The following CNTN5 variants were observed in gnomAD, a reference collection of about 807,000 sequenced individuals.
CNTN5 encodes contactin-5.
In CNTN5, 77 loss-of-function variants were observed where a neutral mutation model predicts 129.1. The observed-to-expected ratio is 0.60, with a 90% CI of 0.50 to 0.72. The LOEUF (loss-of-function observed/expected upper bound fraction) is 0.72, where lower values mean the gene tolerates loss of function less well. Among genes scored for constraint, CNTN5 ranks in the 30% least tolerant of loss-of-function variants. CNTN5 has a pLI of 0.00. For synonymous variants in CNTN5, 509 were observed against 465.6 expected (o/e 1.09, Z -1.20); for missense variants, 1,478 against 1,328.8 (o/e 1.11, Z -1.75).
At chr11:100,111,826 C>T (rs375504386) in intron 13 of CNTN5, among the ~76,000 whole-genome samples, 2 of 152,128 alleles carry the variant, frequency 1.3e-5, no homozygotes, top group South Asian at 4.1e-4. Context: ...AAGCATCATT[C>T]CAGTCTTTGA....
chr11:99,357,010 C>T (rs757789144), intron 2 of CNTN5, among the ~76,000 whole-genome samples: 3 of 152,088 alleles, frequency 2.0e-5, no homozygotes, highest in African/African-American at 4.8e-5. Context: ...AATTAAGCAA[C>T]CATTTCATGC....
At chr11:99,525,341 G>A (rs1025496220) in intron 2 of CNTN5, among the ~76,000 whole-genome samples, 9 of 152,148 alleles carry the variant, frequency 5.9e-5, no homozygotes, top group African/African-American at 2.2e-4. Flanking sequence ...ACTTCCAGGT[G>A]CTGCTATATC....
At chr11:99,143,908 C>T (rs61891477) in intron 1 of CNTN5, among the ~76,000 whole-genome samples, 9,406 of 152,106 alleles carry the variant, frequency 0.062, 779 homozygotes, top group East Asian at 0.34. Context: ...AAAGTGATAT[C>T]CTACAAACTG....
rs185200809 is a variant in CNTN5 at position 99,812,846 on chromosome 11, A to T, written c.56-6698A>T. Among the ~76,000 whole-genome samples the T allele has an allele frequency of 5.5e-3, 842 of 152,258 alleles. 4 individuals carry two copies. The highest frequency in any genetic ancestry group is 6.6e-3 in the Non-Finnish European group (449 of 68,016). On this transcript the variant is annotated intron_variant, in intron 3 of 24. Coordinates refer to ENST00000524871, the MANE Select transcript of CNTN5 (RefSeq NM_014361.4). ...AACTGAGCGATGATGGCGGTACTGT[A>T]AGAATACAAGATGTTGGCAAGTTTT...
At chr11:99,653,827 A>T (rs947189625) in intron 3 of CNTN5, among the ~76,000 whole-genome samples, 2 of 152,092 alleles carry the variant, frequency 1.3e-5, no homozygotes, top group Non-Finnish European at 2.9e-5. Context: ...TCGCTTCTTC[A>T]TAATGAACAG....
intron 1 of CNTN5, among the ~76,000 whole-genome samples, chr11:99,303,354 A>G (rs553112614): frequency 6.6e-6 from 1 of 151,948 alleles, no homozygotes; most frequent in East Asian, 1.9e-4. Flanking sequence ...AATATAAAAT[A>G]CTAAACTTAG....
intron 17 of CNTN5, 30 bp from the exon 18 acceptor site, chr11:100,271,059 CATA>C (rs762398947): frequency 6.5e-7 from 1 of 1,550,216 alleles, no homozygotes; most frequent in Admixed American, 2.0e-5. Flanking sequence ...TTCTAGTCCT[CATA>C]ATGACATGAA....
intron 6 of CNTN5, among the ~76,000 whole-genome samples, chr11:99,901,151 G>A (rs2135949593): frequency 6.6e-6 from 1 of 152,224 alleles, no homozygotes; most frequent in South Asian, 2.1e-4. Flanking sequence ...TGTGTGGCAG[G>A]TAGTGAGTAT....
intron 6 of CNTN5, among the ~76,000 whole-genome samples, chr11:99,903,110 G>A (rs963238220): frequency 6.6e-6 from 1 of 152,018 alleles, no homozygotes; most frequent in Non-Finnish European, 1.5e-5. Flanking sequence ...AATGAGCTAA[G>A]GGAATCAAGA....
chr11:99,973,436 G>A (rs1160593619), intron 8 of CNTN5, among the ~76,000 whole-genome samples: 1 of 152,022 alleles, frequency 6.6e-6, no homozygotes, highest in East Asian at 1.9e-4. Flanking sequence ...ACTTTGCTTC[G>A]ACAGTCTTTC....
intron 23 of CNTN5, among the ~76,000 whole-genome samples, chr11:100,343,988 C>T (rs1162578094): frequency 6.6e-6 from 1 of 152,026 alleles, no homozygotes; most frequent in Non-Finnish European, 1.5e-5. Flanking sequence ...CTGAACTTGC[C>T]CCTAGGATTC....
chr11:100,068,617 A>G (rs1189490185), intron 10 of CNTN5, among the ~76,000 whole-genome samples: 2 of 152,186 alleles, frequency 1.3e-5, no homozygotes, highest in South Asian at 2.1e-4. Context: ...CATCACTCCT[A>G]TCAGCATTTT....
intron 6 of CNTN5, among the ~76,000 whole-genome samples, chr11:99,872,194 C>A (rs1273343928): frequency 6.6e-6 from 1 of 151,738 alleles, no homozygotes; most frequent in Non-Finnish European, 1.5e-5. Context: ...ACAAGTGATT[C>A]TAGGATTCAT....
chr11:99,582,759 A>G (rs2135626713), intron 3 of CNTN5, among the ~76,000 whole-genome samples: 1 of 152,090 alleles, frequency 6.6e-6, no homozygotes, highest in South Asian at 2.1e-4. Flanking sequence ...CTTCTTTGCC[A>G]TTGGTTCAGA....
chr11:99,321,472 T>C (rs1367252684), intron 1 of CNTN5, among the ~76,000 whole-genome samples: 1 of 152,058 alleles, frequency 6.6e-6, no homozygotes, highest in East Asian at 1.9e-4. Flanking sequence ...TTCTGGGTAA[T>C]GTGGTATGTA....
chr11:99,174,940 C>T (rs2135549624), intron 1 of CNTN5, among the ~76,000 whole-genome samples: 1 of 152,094 alleles, frequency 6.6e-6, no homozygotes, highest in South Asian at 2.1e-4. Context: ...TATTCAAAAT[C>T]TTAGGGTTTA....
intron 4 of CNTN5, among the ~76,000 whole-genome samples, chr11:99,822,827 T>C (rs1203339070): frequency 6.6e-6 from 1 of 152,234 alleles, no homozygotes; most frequent in Non-Finnish European, 1.5e-5. Context: ...CTCTGGAGAA[T>C]AGATTATAAA....
intron 2 of CNTN5, among the ~76,000 whole-genome samples, chr11:99,509,240 T>G (rs918487782): frequency 6.6e-6 from 1 of 152,208 alleles, no homozygotes; most frequent in Non-Finnish European, 1.5e-5. Context: ...TTTAGGATCT[T>G]CATTTAAAAA....
At chr11:99,725,911 A>C (rs555063908) in intron 3 of CNTN5, among the ~76,000 whole-genome samples, 63 of 152,326 alleles carry the variant, frequency 4.1e-4, no homozygotes, top group African/African-American at 1.4e-3. Context: ...GCATTCTCCA[A>C]ATCCTCTCCA....
Sources: gnomAD v4.1 joint callset for allele counts (sites outside exome capture counted in the v4.1 genomes callset) on GRCh38, gnomAD v4.1.1 for gene constraint, MANE v1.5 for transcripts, NCBI Gene and HGNC (gene_info 2026-07-23, HGNC 2026-07-21) for gene names.